Variants in LRP1B observed in about 807,000 individuals in gnomAD.
LRP1B encodes low-density lipoprotein receptor-related protein 1B.
A neutral mutation model predicts 556.6 loss-of-function variants in LRP1B; 217 were observed. The ratio of observed to expected loss-of-function variants is 0.39; its 90% CI spans 0.35 to 0.44. The LOEUF (loss-of-function observed/expected upper bound fraction) is 0.44. LRP1B is among the 20% of genes least tolerant of loss of function. LRP1B has a pLI of 1.00. For missense variants in LRP1B, 5,053 were observed against 5,620.8 expected, an observed-to-expected ratio of 0.90 and a Z score of 3.23; for synonymous variants, 2,047 against 1,865.8, an observed-to-expected ratio of 1.10 and a Z score of -2.50.
At position 140,804,648 on chromosome 2, in the gene LRP1B, A is replaced by ATTTTTTTTTTTTTTTT. The variant is rs1690646115; in HGVS notation, c.5359+9008_5359+9009insAAAAAAAAAAAAAAAA. The stretch of plus-strand genomic sequence containing the variant: ...TTAAGAGTTAGTGTAGGTAAAAACT[A>ATTTTTTTTTTTTTTTT]ATTTTTTTTTTTTTTTTTTTTTTTT... On this transcript the variant is annotated intron_variant, in intron 32 of 90. Coordinates refer to ENST00000389484, the MANE Select transcript of LRP1B (RefSeq NM_018557.3). Among the ~76,000 whole-genome samples, 3 of 103,892 alleles carry ATTTTTTTTTTTTTTTT rather than the reference A, an allele frequency of 2.9e-5. 1 individual carries two copies. The allele number at this position is 103,892 out of a possible 152,430, so 68.2% of individuals were successfully genotyped here.
chr2:141,877,522 T>C (rs1220739821), intron 1 of LRP1B, among the ~76,000 whole-genome samples: 1 of 151,988 alleles, frequency 6.6e-6, no homozygotes, highest in Non-Finnish European at 1.5e-5. Flanking sequence ...GTTCTGAGAC[T>C]CAAAGCAATG....
rs145821118 is a variant in LRP1B, at chr2:140,598,707, C to T, written c.7118G>A (p.Arg2373His). 5.7e-5 allele frequency: 92 copies of T among 1,613,736 alleles called. No homozygotes were observed. Among genetic ancestry groups the T allele is most frequent in the African/African-American group, 9.3e-5 (7 of 75,018 alleles). The change falls in exon 43 of 91, where the codon CGT (arginine) becomes CAT (histidine). Residue 2373 changes from arginine (R) to histidine (H), a missense_variant. Physicochemically the swap from Arg to His is conservative, Grantham distance 29. Around this residue, in one of 5 missense-constraint regions of LRP1B, gnomAD observed 3,619 missense variants for 3,931.9 expected, o/e 0.92. Coordinates refer to ENST00000389484, the MANE Select transcript of LRP1B (RefSeq NM_018557.3). ...ATCTGAGAAATACAGCTTCTCTGCA[C>T]GGTAGTCGATAGTAAGTCCATTTGG... Reference protein sequence around the residue: ...LTPNGLTIDYRAEKLYFSDGS... With the variant: ...LTPNGLTIDYHAEKLYFSDGS...
intron 41 of LRP1B, among the ~76,000 whole-genome samples, chr2:140,663,937 A>G (rs188040732): frequency 7.9e-5 from 12 of 152,204 alleles, no homozygotes; most frequent in Admixed American, 5.9e-4. Flanking sequence ...GTAGGTTATT[A>G]ACTGGACTAA....
chr2:141,872,161 G>GT (rs1054450549), intron 1 of LRP1B, among the ~76,000 whole-genome samples: 16 of 151,948 alleles, frequency 1.1e-4, no homozygotes, highest in Non-Finnish European at 2.1e-4. Context: ...GAAAAAATAG[G>GT]TAACTGTGGA....
chr2:140,832,674 A>G (rs934193245), intron 31 of LRP1B, among the ~76,000 whole-genome samples: 2 of 152,192 alleles, frequency 1.3e-5, no homozygotes, highest in African/African-American at 4.8e-5. Flanking sequence ...TCCCACATAT[A>G]TGGAAGCTAA....
In LRP1B at chr2:140,903,129, T is replaced by G; in HGVS notation, c.3557A>C (p.His1186Pro). Reference sequence around the variant, plus strand: ...TCCTCTTCCAGGAACAACAGAACAGTGGTTGCTACAGCCTCCATTGTTCAG... The same window carrying G: ...TCCTCTTCCAGGAACAACAGAACAGGGGTTGCTACAGCCTCCATTGTTCAG... ...CSLNNGGCSNHCSVVPGRGIV... is the reference protein window; with the variant it reads ...CSLNNGGCSNPCSVVPGRGIV... The change falls in exon 23 of 91, where the codon CAC becomes CCC. Residue 1186 changes from histidine (H) to proline (P), a missense_variant. Coordinates refer to ENST00000389484, the MANE Select transcript of LRP1B (RefSeq NM_018557.3). 6.2e-7 allele frequency: 1 copy of G among 1,613,464 alleles called. No individual in the cohort carries two copies. The highest frequency in any genetic ancestry group is 8.5e-7 in the Non-Finnish European group (1 of 1,179,638).
chr2:140,655,717 T>C (rs1574200096), intron 41 of LRP1B, among the ~76,000 whole-genome samples: 1 of 151,870 alleles, frequency 6.6e-6, no homozygotes, highest in Admixed American at 6.6e-5. Flanking sequence ...CCGAGGCGGG[T>C]GGATCACGAG....
intron 5 of LRP1B, among the ~76,000 whole-genome samples, chr2:141,242,561 A>C (rs1388299954): frequency 3.3e-5 from 5 of 151,978 alleles, no homozygotes; most frequent in African/African-American, 1.2e-4. Context: ...TTTTCTCTAA[A>C]TCAATGAACT....
At chr2:141,479,727 C>A (rs1682846323) in intron 3 of LRP1B, among the ~76,000 whole-genome samples, 1 of 152,108 alleles carries the variant, frequency 6.6e-6, no homozygotes, top group Non-Finnish European at 1.5e-5. Flanking sequence ...TTCTTCTGCT[C>A]TTATTTCTCT....
intron 41 of LRP1B, among the ~76,000 whole-genome samples, chr2:140,613,167 C>T (rs1321695038): frequency 1.3e-5 from 2 of 148,700 alleles, no homozygotes; most frequent in Non-Finnish European, 3.0e-5. Flanking sequence ...TAGGCAGGCA[C>T]ATTAAAGGGG....
chr2:140,701,177 C>A (rs1277308488), intron 40 of LRP1B, among the ~76,000 whole-genome samples: 4 of 149,810 alleles, frequency 2.7e-5, no homozygotes, highest in Non-Finnish European at 6.0e-5. Flanking sequence ...ATTATTATAA[C>A]TTCCTTTGAT....
chr2:141,074,639 C>T (rs199731160), intron 7 of LRP1B, among the ~76,000 whole-genome samples: 4 of 145,890 alleles, frequency 2.7e-5, no homozygotes, highest in Admixed American at 6.9e-5. Context: ...ACATATATTA[C>T]ATATATAATT....
intron 20 of LRP1B, among the ~76,000 whole-genome samples, chr2:140,943,038 C>T (rs563303369): frequency 1.3e-5 from 2 of 152,054 alleles, no homozygotes; most frequent in African/African-American, 2.4e-5. Flanking sequence ...TTTCAACAGA[C>T]CATCTCCCAT....
intron 1 of LRP1B, among the ~76,000 whole-genome samples, chr2:141,989,907 A>G (rs1702295001): frequency 1.3e-5 from 2 of 152,072 alleles, no homozygotes; most frequent in African/African-American, 4.8e-5. Context: ...ACAGACCAAT[A>G]CGGTCTTCAT....
At chr2:141,258,199 G>T (rs1051892675) in intron 3 of LRP1B, among the ~76,000 whole-genome samples, 11 of 152,156 alleles carry the variant, frequency 7.2e-5, no homozygotes, top group Non-Finnish European at 1.6e-4. Flanking sequence ...GAAGAGAGAA[G>T]CTGTCGCTGG....
intron 4 of LRP1B, among the ~76,000 whole-genome samples, chr2:141,252,157 T>C (rs576619144): frequency 2.0e-5 from 3 of 151,632 alleles, no homozygotes; most frequent in Admixed American, 2.0e-4. Flanking sequence ...GCTCCAACTA[T>C]GGGGTTGCCT....
At chr2:141,499,264 A>G (rs1683627393) in intron 2 of LRP1B, among the ~76,000 whole-genome samples, 1 of 152,062 alleles carries the variant, frequency 6.6e-6, no homozygotes, top group Admixed American at 6.6e-5. Context: ...GTGCAATGTC[A>G]CAGCGGTTAT....
At chr2:142,024,678 A>C (rs1247391562) in intron 1 of LRP1B, among the ~76,000 whole-genome samples, 1 of 151,538 alleles carries the variant, frequency 6.6e-6, no homozygotes, top group Non-Finnish European at 1.5e-5. Context: ...TATTTAAAAA[A>C]ACTAAAATCT....
chr2:140,522,677 A>G, intron 49 of LRP1B, among the ~76,000 whole-genome samples: 1 of 20,492 alleles, frequency 4.9e-5, no homozygotes, highest in East Asian at 0.083. Flanking sequence ...TGCTAGATTA[A>G]CAAAAAAAAA....
Sources: allele counts gnomAD v4.1 joint callset (sites outside exome capture counted in the v4.1 genomes callset), GRCh38; gene constraint gnomAD v4.1.1; regional missense constraint gnomAD v4.1.1; transcripts MANE v1.5; gene names NCBI Gene and HGNC (gene_info 2026-07-23, HGNC 2026-07-21).